The following PKHD1 variants were observed in gnomAD, a reference collection of about 807,000 sequenced individuals.
The protein encoded by PKHD1 is PKHD1 ciliary IPT domain containing fibrocystin/polyductin, also known as fibrocystin.
A neutral mutation model predicts 412.0 loss-of-function variants in PKHD1; 291 were observed. That is an observed-to-expected ratio of 0.71 (90% CI 0.64 to 0.78). PKHD1 has a LOEUF of 0.78. Among genes scored for constraint, PKHD1 ranks in the 30% least tolerant of loss-of-function variants. The pLI is 0.00. For missense variants in PKHD1, 4,825 were observed against 4,950.7 expected, an observed-to-expected ratio of 0.97 and a Z score of 0.76; for synonymous variants, 1,777 against 1,821.5, an observed-to-expected ratio of 0.98 and a Z score of 0.62.
chr6:51,673,094 C>A (rs1309263806), intron 60 of PKHD1, among the ~76,000 whole-genome samples: 1 of 152,104 alleles, frequency 6.6e-6, no homozygotes, highest in Non-Finnish European at 1.5e-5. Flanking sequence ...AATATCTAGG[C>A]CAGATACCAA....
chr6:52,000,223 C>T (rs1410153870), intron 35 of PKHD1, among the ~76,000 whole-genome samples: 1 of 152,090 alleles, frequency 6.6e-6, no homozygotes, highest in African/African-American at 2.4e-5. Context: ...CTGAGTTATC[C>T]AGTCACCCAA....
chr6:51,646,196 G>A (rs1770059723), intron 63 of PKHD1, among the ~76,000 whole-genome samples: 1 of 152,182 alleles, frequency 6.6e-6, no homozygotes, highest in Non-Finnish European at 1.5e-5. Flanking sequence ...TCAAGGTGAA[G>A]CCCAGAATTG....
intron 14 of PKHD1, 59 bp downstream of exon 14, chr6:52,062,460 C>A: frequency 6.5e-7 from 1 of 1,547,810 alleles, no homozygotes; most frequent in South Asian, 1.1e-5. Flanking sequence ...TGTCTCCTAG[C>A]CTCACCTAGG....
At chr6:51,763,314 C>A (rs1271664357) in intron 55 of PKHD1, among the ~76,000 whole-genome samples, 2 of 152,174 alleles carry the variant, frequency 1.3e-5, no homozygotes, top group East Asian at 3.9e-4. Flanking sequence ...TGACATATAA[C>A]AAGCTTACAT....
chr6:51,952,543 G>A (rs149105249), intron 36 of PKHD1, among the ~76,000 whole-genome samples: 11 of 152,172 alleles, frequency 7.2e-5, no homozygotes, highest in Non-Finnish European at 1.2e-4. Flanking sequence ...CAAAATGGTA[G>A]AGGGAAGAAA....
At chr6:51,933,596 G>A (rs1786986857) in intron 37 of PKHD1, among the ~76,000 whole-genome samples, 1 of 152,206 alleles carries the variant, frequency 6.6e-6, no homozygotes, top group African/African-American at 2.4e-5. Context: ...TCACATACAT[G>A]AGAGCAGTAG....
intron 41 of PKHD1, among the ~76,000 whole-genome samples, chr6:51,905,006 T>C (rs1025642661): frequency 6.6e-6 from 1 of 152,202 alleles, no homozygotes; most frequent in Non-Finnish European, 1.5e-5. Context: ...TAGAGTATGT[T>C]TTAAAGCAAA....
chr6:52,031,610 A>G lies in PKHD1; in HGVS notation c.3364+1420T>C, dbSNP rs552442141. 3.9e-5 allele frequency among the ~76,000 whole-genome samples: 6 copies of G among 152,312 alleles called. No individual in the cohort carries two copies. In the South Asian group the frequency reaches 1.2e-3, roughly 32 times the overall value. The stretch of plus-strand genomic sequence containing the variant: ...ATTTTTCCTGACTGCAGAAACCAAC[A>G]CTAATGGTCCTGCACATCAAATTCA... On this transcript the variant is annotated intron_variant, in intron 29 of 66. Transcript: ENST00000371117.
At chr6:51,994,227 C>T (rs558089466) in intron 35 of PKHD1, among the ~76,000 whole-genome samples, 5 of 152,172 alleles carry the variant, frequency 3.3e-5, no homozygotes, top group Non-Finnish European at 7.4e-5. Context: ...CTCCGCCTCC[C>T]GGGTTCACGC....
Position 52,056,907 on chromosome 6 carries a change from T to C in PKHD1, c.1585A>G (p.Asn529Asp). ...TCTCCCACCAGATGGGCTGTGGCAT[T>C]TGCAGGGATTGGCTGACTAGAGACA... Reference protein sequence around the residue: ...DNVSSQPIPANATAHLIQTTI... With the variant: ...DNVSSQPIPADATAHLIQTTI... Residue 529 changes from asparagine (N) to aspartate (D), a missense_variant, in exon 17 of 67, where the codon AAT (asparagine) becomes GAT (aspartate). Transcript: ENST00000371117. The C allele has an allele frequency of 6.2e-7, 1 of 1,613,610 alleles. No individual in the cohort carries two copies. The highest frequency in any genetic ancestry group is 8.5e-7 in the Non-Finnish European group (1 of 1,179,538).
Position 51,836,478 on chromosome 6 carries a change from C to T in PKHD1, c.8108-9G>A. ...TTGGCCTTCACCTGAAACTAAATAC[C>T]AAAAGCCACAACTTGCATGTGATAC... On this transcript the variant is annotated splice_polypyrimidine_tract_variant and intron_variant, in intron 50 of 66. Coordinates refer to ENST00000371117, the MANE Select transcript of PKHD1 (RefSeq NM_138694.4). The T allele has an allele frequency of 6.3e-7, 1 of 1,599,492 alleles. No homozygotes were observed.
intron 60 of PKHD1, among the ~76,000 whole-genome samples, chr6:51,706,694 A>C (rs1482535059): frequency 1.3e-5 from 2 of 152,126 alleles, no homozygotes; most frequent in Non-Finnish European, 2.9e-5. Flanking sequence ...GTCCCATCCC[A>C]AGCCAAATTC....
intron 46 of PKHD1, among the ~76,000 whole-genome samples, chr6:51,874,430 C>T (rs771116999): frequency 6.6e-6 from 1 of 152,092 alleles, no homozygotes; most frequent in Non-Finnish European, 1.5e-5. Context: ...GAAAATTATT[C>T]TATTCATCTC....
At chr6:51,971,535 A>C (rs1244386586) in intron 35 of PKHD1, among the ~76,000 whole-genome samples, 1 of 152,194 alleles carries the variant, frequency 6.6e-6, no homozygotes, top group Non-Finnish European at 1.5e-5. Context: ...CTCAGGAAGA[A>C]TTATGACTAC....
intron 43 of PKHD1, among the ~76,000 whole-genome samples, chr6:51,898,946 C>T (rs1376986780): frequency 6.6e-6 from 1 of 152,244 alleles, no homozygotes; most frequent in East Asian, 1.9e-4. Context: ...AACACATACA[C>T]TCTCCAGAGA....
In PKHD1 at chr6:51,618,996, A is replaced by C. The variant is rs540161801; in HGVS notation, c.*85T>G. 8.2e-7 allele frequency: 1 copy of C among 1,218,460 alleles called. No homozygotes were observed. The highest frequency in any genetic ancestry group is 1.2e-6 in the Non-Finnish European group (1 of 822,056). 75.5% of individuals were successfully genotyped at this position (1,218,460 alleles called of 1,614,324 possible). On this transcript the variant is annotated 3_prime_UTR_variant, in exon 67 of 67. Coordinates refer to ENST00000371117, the MANE Select transcript of PKHD1 (RefSeq NM_138694.4). ...ATTCTCTCTTCTTAGTTGTCCCAGC[A>C]GGACAGTCCTCACTTCCCCAGCTTA...
At chr6:51,643,401 A>T (rs945103516) in intron 63 of PKHD1, among the ~76,000 whole-genome samples, 4 of 152,144 alleles carry the variant, frequency 2.6e-5, no homozygotes, top group African/African-American at 7.2e-5. Flanking sequence ...AAATAAAAAA[A>T]AAAATGACCA....
chr6:51,777,189 T>C (rs1484729221), intron 53 of PKHD1, among the ~76,000 whole-genome samples: 1 of 152,090 alleles, frequency 6.6e-6, no homozygotes, highest in Non-Finnish European at 1.5e-5. Flanking sequence ...AATTGCCTGG[T>C]TTTCATCTTG....
chr6:51,781,203 G>A (rs532423584), intron 53 of PKHD1, among the ~76,000 whole-genome samples: 1 of 152,138 alleles, frequency 6.6e-6, no homozygotes, highest in African/African-American at 2.4e-5. Context: ...ATTTTTTTCT[G>A]AATTAGCTTT....
Sources: gnomAD v4.1 joint callset for allele counts (sites outside exome capture counted in the v4.1 genomes callset) on GRCh38, gnomAD v4.1.1 for gene constraint, MANE v1.5 for transcripts, NCBI Gene and HGNC (gene_info 2026-07-23, HGNC 2026-07-21) for gene names.